The following INVS variants were observed in gnomAD, a reference collection of about 807,000 sequenced individuals.
INVS encodes the protein inversion of embryo turning homolog.
A neutral mutation model predicts 108.8 loss-of-function variants in INVS; 86 were observed. That is an observed-to-expected ratio of 0.79 (90% CI 0.66 to 0.95). The LOEUF is 0.95. INVS is among the 40% of genes least tolerant of loss of function. The pLI is 0.00. For missense variants in INVS, 1,169 were observed against 1,297.4 expected, an observed-to-expected ratio of 0.90 and a Z score of 1.52; for synonymous variants, 455 against 473.5, an observed-to-expected ratio of 0.96 and a Z score of 0.51.
At chr9:100,109,614 G>T (rs966250798) in intron 2 of INVS, among the ~76,000 whole-genome samples, 1 of 152,172 alleles carries the variant, frequency 6.6e-6, no homozygotes, top group Non-Finnish European at 1.5e-5. Context: ...TTGTTTCACT[G>T]TCCATGTTCT....
intron 12 of INVS, among the ~76,000 whole-genome samples, chr9:100,283,738 T>G (rs1282224803): frequency 3.9e-5 from 6 of 152,216 alleles, no homozygotes. Context: ...CCCTACCTTC[T>G]GGGTCTCATC....
chr9:100,197,354 C>G (rs943979248), intron 3 of INVS, among the ~76,000 whole-genome samples: 1 of 152,148 alleles, frequency 6.6e-6, no homozygotes, highest in Non-Finnish European at 1.5e-5. Flanking sequence ...GAGAGGATCC[C>G]TTGATCCCAG....
intron 3 of INVS, among the ~76,000 whole-genome samples, chr9:100,182,624 G>A (rs745999936): frequency 2.0e-5 from 3 of 152,140 alleles, no homozygotes; most frequent in Non-Finnish European, 2.9e-5. Flanking sequence ...TAAAAAGTCA[G>A]GAAACAACAG....
intron 12 of INVS, among the ~76,000 whole-genome samples, chr9:100,276,846 T>C (rs1317033793): frequency 6.6e-6 from 1 of 152,166 alleles, no homozygotes; most frequent in African/African-American, 2.4e-5. Flanking sequence ...TGTAAGATCC[T>C]TCAACATTTC....
At chr9:100,287,642 C>T (rs1029726487) in intron 13 of INVS, among the ~76,000 whole-genome samples, 6 of 152,194 alleles carry the variant, frequency 3.9e-5, no homozygotes, top group African/African-American at 1.2e-4. Flanking sequence ...CCCGCTCGCT[C>T]ATGCTCTCTC....
chr9:100,125,289 A>T (rs1303374703), intron 2 of INVS, among the ~76,000 whole-genome samples: 2 of 152,202 alleles, frequency 1.3e-5, no homozygotes, highest in Non-Finnish European at 2.9e-5. Context: ...TGGGGAAAAG[A>T]GGTGCAGTTT....
intron 6 of INVS, among the ~76,000 whole-genome samples, chr9:100,242,184 G>A (rs888712045): frequency 6.6e-6 from 1 of 152,190 alleles, no homozygotes; most frequent in African/African-American, 2.4e-5. Context: ...GTTGGGCAAC[G>A]GAACCTTGAG....
chr9:100,290,196 C>T (rs1833569665), intron 13 of INVS, among the ~76,000 whole-genome samples: 1 of 151,938 alleles, frequency 6.6e-6, no homozygotes, highest in Non-Finnish European at 1.5e-5. Flanking sequence ...TCTCTCACTC[C>T]CTCTTCATCT....
intron 3 of INVS, among the ~76,000 whole-genome samples, chr9:100,177,500 A>G (rs1186558792): frequency 1.3e-5 from 2 of 152,180 alleles, no homozygotes; most frequent in South Asian, 2.1e-4. Context: ...AGTGTAAACA[A>G]AGCCACCAGG....
At chr9:100,287,544 G>A (rs919015163) in intron 13 of INVS, among the ~76,000 whole-genome samples, 3 of 152,176 alleles carry the variant, frequency 2.0e-5, no homozygotes, top group Non-Finnish European at 4.4e-5. Flanking sequence ...CAAATTCCCA[G>A]TGTTCGGGGA....
intron 1 of INVS, among the ~76,000 whole-genome samples, chr9:100,100,820 A>ATAATATATGTATATATAATATATATATT (rs1491189219): frequency 7.4e-5 from 1 of 13,442 alleles, no homozygotes; most frequent in Non-Finnish European, 1.1e-4. Context: ...TAATATATAT[A>ATAATATATGTATATATAATATATATATT]ATATATGTAT....
In INVS at chr9:100,240,255, G is replaced by A; in HGVS notation, c.796+15G>A. The A allele has an allele frequency of 5.0e-6, 8 of 1,604,788 alleles. No homozygotes were observed. Among genetic ancestry groups the A allele is most frequent in the Non-Finnish European group, 6.8e-6 (8 of 1,171,690 alleles). ...AGCTTTATTAGGTACGTGACTCAAAGGATCAACAGTAAAAGGAACTTCATG... is the reference window on the plus strand; with the variant it reads ...AGCTTTATTAGGTACGTGACTCAAAAGATCAACAGTAAAAGGAACTTCATG... On this transcript the variant is annotated intron_variant, in intron 6 of 16. Coordinates refer to ENST00000262457, the MANE Select transcript of INVS (RefSeq NM_014425.5).
chr9:100,115,601 A>G (rs1827490313), intron 2 of INVS, among the ~76,000 whole-genome samples: 2 of 152,260 alleles, frequency 1.3e-5, no homozygotes, highest in Admixed American at 1.3e-4. Context: ...AGCTTCATCC[A>G]TGTCCCTACA....
At chr9:100,212,996 C>G (rs1392813367) in intron 3 of INVS, among the ~76,000 whole-genome samples, 1 of 152,148 alleles carries the variant, frequency 6.6e-6, no homozygotes, top group Non-Finnish European at 1.5e-5. Flanking sequence ...GATTCTGTGT[C>G]TGGTGAGGGC....
chr9:100,260,186 C>CTTTTTT (rs372496395), intron 10 of INVS, among the ~76,000 whole-genome samples: 231 of 101,406 alleles, frequency 2.3e-3, no homozygotes, highest in Non-Finnish European at 3.3e-3. Flanking sequence ...ATTTTCTTTT[C>CTTTTTT]TTTTTTTTTT....
At chr9:100,271,546 A>C (rs147375968) in intron 11 of INVS, among the ~76,000 whole-genome samples, 144 of 152,366 alleles carry the variant, frequency 9.5e-4, no homozygotes, top group African/African-American at 3.1e-3. Flanking sequence ...TATATACATG[A>C]ATAATTTTGA....
intron 3 of INVS, among the ~76,000 whole-genome samples, chr9:100,161,377 A>AAAAAAAAAAAAC (rs1829177945): frequency 9.9e-6 from 1 of 100,848 alleles, no homozygotes; most frequent in African/African-American, 8.1e-5. Context: ...AAAAAAAAAA[A>AAAAAAAAAAAAC]AAAAAAAAAA....
intron 11 of INVS, among the ~76,000 whole-genome samples, chr9:100,267,872 T>A (rs149829517): frequency 2.1e-4 from 32 of 152,324 alleles, no homozygotes; most frequent in African/African-American, 7.7e-4. Context: ...AATATATTTT[T>A]TGAGAAAATT....
chr9:100,265,529 C>T (rs894762118), intron 11 of INVS, among the ~76,000 whole-genome samples: 2 of 152,134 alleles, frequency 1.3e-5, no homozygotes, highest in Admixed American at 6.5e-5. Context: ...GCTAACATAA[C>T]GTCAGTGAAA....
Sources: gnomAD v4.1 joint callset for allele counts (sites outside exome capture counted in the v4.1 genomes callset) on GRCh38, gnomAD v4.1.1 for gene constraint, MANE v1.5 for transcripts, NCBI Gene and HGNC (gene_info 2026-07-23, HGNC 2026-07-21) for gene names.